RPLP0: variants seen among roughly 807,000 people sequenced by gnomAD.
The protein encoded by RPLP0 is large ribosomal subunit protein uL10.
For synonymous variants in RPLP0, 137 were observed against 153.4 expected, an observed-to-expected ratio of 0.89 and a Z score of 0.79; for missense variants, 276 against 402.9, an observed-to-expected ratio of 0.69 and a Z score of 2.70.
chr12:120,197,270 C>G, intron 7 of RPLP0, 52 bp downstream of exon 7: 1 of 1,539,070 alleles, frequency 6.5e-7, no homozygotes. Context: ...CCACATCACC[C>G]TGCTAATTTG....
rs1330071501 is a variant in RPLP0, at chr12:120,200,839, G to A, written c.-48-8C>T. 6 of 1,590,162 alleles carry A rather than the reference G, an allele frequency of 3.8e-6. No individual in the cohort carries two copies. Among genetic ancestry groups the A allele is most frequent in the South Asian group, 1.1e-5 (1 of 87,774 alleles). On this transcript the variant is annotated splice_polypyrimidine_tract_variant and splice_region_variant and intron_variant, in intron 1 of 7. Transcript: ENST00000392514. ...GGTTTAAAGACGATGTCACTGAGGA[G>A]AGACAGGGAGCTCAGGCCTGGTCAC... is the stretch of plus-strand genomic sequence containing the variant.
rs1486013188 is a variant in RPLP0, at chr12:120,201,105, G to A, written c.-71C>T. 2.9e-6 allele frequency: 1 copy of A among 347,242 alleles called. No homozygotes were observed. The highest frequency in any genetic ancestry group is 6.7e-5 in the South Asian group (1 of 14,872). The allele number at this position is 347,242 out of a possible 1,614,324, so 21.5% of individuals were successfully genotyped here. A position where few individuals can be genotyped will look rare whatever the true frequency, so the allele number is the denominator to read the frequency against. On this transcript the variant is annotated 5_prime_UTR_variant, in exon 1 of 8. Coordinates refer to ENST00000392514, the MANE Select transcript of RPLP0 (RefSeq NM_001002.4). ...AACCTTCCACGAGGACGCCTGGCGA[G>A]AGAAGGGCCTCGCGCCCGCGCGTGC...
Sources: allele counts gnomAD v4.1 joint callset, GRCh38; gene constraint gnomAD v4.1.1; transcripts MANE v1.5; gene names NCBI Gene and HGNC (gene_info 2026-07-23, HGNC 2026-07-21).